Variants in PIH1D1 observed in about 807,000 individuals in gnomAD.
The protein encoded by PIH1D1 is PIH1 domain containing 1, also known as PIH1 domain-containing protein 1.
PIH1D1 carries 28 observed loss-of-function variants against 38.5 expected under a neutral mutation model. The observed-to-expected ratio is 0.73, with a 90% confidence interval of 0.54 to 1.00. The LOEUF is 1.00. PIH1D1 is among the 50% of genes least tolerant of loss of function. The pLI, the probability that PIH1D1 is intolerant of heterozygous loss-of-function variation, is 0.00. For synonymous variants in PIH1D1, 155 were observed against 153.5 expected (o/e 1.01, Z -0.07); for missense variants, 343 against 369.9 (o/e 0.93, Z 0.60).
chr19:49,446,830 C>T (rs1600997896), intron 7 of PIH1D1, 136 bp from the exon 8 acceptor site: 3 of 1,155,476 alleles, frequency 2.6e-6, no homozygotes, highest in Non-Finnish European at 3.7e-6. Flanking sequence ...ACAGCAATTA[C>T]AAGTCTCAAC....
chr19:49,450,137 G>A (rs909015456), intron 2 of PIH1D1, among the ~76,000 whole-genome samples: 2 of 151,958 alleles, frequency 1.3e-5, no homozygotes, highest in African/African-American at 4.8e-5. Context: ...TGTCACCCAG[G>A]TTGGAGTGCA....
chr19:49,447,435 C>T lies in PIH1D1; in HGVS notation c.514G>A (p.Gly172Ser), dbSNP rs1212409865. The T allele has an allele frequency of 6.2e-7, 1 of 1,611,664 alleles. No homozygotes were observed. Among genetic ancestry groups the T allele is most frequent in the African/African-American group, 1.3e-5 (1 of 75,022 alleles). ...CGGATGTTCTGCTGCGAGATGGAGC[C>T]CATGAATGGCCGGTTCTTCATCATG... Reference protein sequence around the residue: ...WRMMKNRPFMGSISQQNIRSE... With the variant: ...WRMMKNRPFMSSISQQNIRSE... The change falls in exon 6 of 9, where the codon GGC (glycine) becomes AGC (serine). Residue 172 changes from glycine to serine, a missense_variant. Physicochemically the swap from Gly to Ser is moderately conservative, Grantham distance 56 (BLOSUM62 0). Transcript: ENST00000262265.
At chr19:49,446,890 TG>T in intron 7 of PIH1D1, 133 bp downstream of exon 7, 1 of 1,069,640 alleles carries the variant, frequency 9.3e-7, no homozygotes, top group Middle Eastern at 2.0e-4. Context: ...CACCAGAAGG[TG>T]GCCTGTGGGC....
At position 49,447,640 on chromosome 19, in the gene PIH1D1, T is replaced by A. The variant is rs1018433899; in HGVS notation, c.482-173A>T. ...CCTTAGTCACGCCCCTCCCATGATATGCCCCAATAAAACCCACCCCTGGAG... is the reference window on the plus strand; with the variant it reads ...CCTTAGTCACGCCCCTCCCATGATAAGCCCCAATAAAACCCACCCCTGGAG... On this transcript the variant is annotated intron_variant, in intron 5 of 8. Transcript: ENST00000262265. 3 of 924,188 alleles carry A rather than the reference T, an allele frequency of 3.2e-6. No homozygotes were observed. In the African/African-American group the frequency reaches 5.0e-5, roughly 15 times the overall value. The allele number at this position is 924,188 out of a possible 1,614,324, so 57.2% of individuals were successfully genotyped here. A position where few individuals can be genotyped will look rare whatever the true frequency, so the allele number is the denominator to read the frequency against.
At chr19:49,451,021 A>ATTTTT in intron 1 of PIH1D1, 173 bp from the exon 2 acceptor site, 1 of 808,782 alleles carries the variant, frequency 1.2e-6, no homozygotes, top group Non-Finnish European at 1.6e-6. Context: ...CCCCATTCCC[A>ATTTTT]TTTCTTTTTT....
Position 49,448,013 on chromosome 19 carries a change from G to C in PIH1D1, c.387C>G (p.Tyr129Ter), listed in dbSNP as rs750753918. The change falls in exon 4 of 9, where the codon TAC becomes TAG. Residue 129 changes from tyrosine (Y) to a stop codon, truncating the protein, a stop_gained. Coordinates refer to ENST00000262265, the MANE Select transcript of PIH1D1 (RefSeq NM_017916.3). LOFTEE classifies it high-confidence loss of function. The part of the protein sequence containing the change: ...AYDVAVNSDF[Y>*]RRMQNSDFLR... ...CCCCGCCCCCAACCTGCATCCTCCG[G>C]TAGAAGTCGCTGTTGACAGCTACGT... 1.6e-5 allele frequency: 26 copies of C among 1,614,222 alleles called. No individual in the cohort carries two copies. The highest frequency in any genetic ancestry group is 2.2e-5 in the Non-Finnish European group (26 of 1,180,026).
At chr19:49,448,199 A>T in intron 3 of PIH1D1, 137 bp from the exon 4 acceptor site, 1 of 834,224 alleles carries the variant, frequency 1.2e-6, no homozygotes, top group Non-Finnish European at 1.9e-6. Flanking sequence ...AGAGCTGGGC[A>T]CTCACTTTCC....
At chr19:49,449,235 C>G (rs761320675) in intron 3 of PIH1D1, 50 of 667,536 alleles carry the variant, frequency 7.5e-5, no homozygotes, top group Non-Finnish European at 1.3e-4. Context: ...AGCACTCTGC[C>G]CAGGCCTCCC....
At chr19:49,449,851 G>A (rs1385094644) in intron 2 of PIH1D1, among the ~76,000 whole-genome samples, 197 bp from the exon 3 acceptor site, 1 of 149,524 alleles carries the variant, frequency 6.7e-6, no homozygotes, top group East Asian at 2.0e-4. Flanking sequence ...CTGGAGTGCA[G>A]TGGCGTGATC....
At chr19:49,446,994 C>A (rs2079027302) in intron 7 of PIH1D1, 30 bp downstream of exon 7, 1 of 1,564,648 alleles carries the variant, frequency 6.4e-7, no homozygotes, top group Non-Finnish European at 8.8e-7. Flanking sequence ...GACCTCATTC[C>A]CCTGCTCTGG....
At chr19:49,450,870 C>A (rs1363928268) in intron 1 of PIH1D1, 22 bp from the exon 2 acceptor site, 2 of 1,613,696 alleles carry the variant, frequency 1.2e-6, no homozygotes, top group East Asian at 4.5e-5. Context: ...AAAACTACCT[C>A]CAGGCTCGGA....
At chr19:49,446,501 G>T in intron 8 of PIH1D1, 50 bp downstream of exon 8, 1 of 1,596,596 alleles carries the variant, frequency 6.3e-7, no homozygotes, top group Non-Finnish European at 8.6e-7. Flanking sequence ...GGGAGACAGA[G>T]TCCAGGCCCC....
At chr19:49,446,955 A>G in intron 7 of PIH1D1, 69 bp downstream of exon 7, 1 of 1,339,730 alleles carries the variant, frequency 7.5e-7, no homozygotes, top group East Asian at 2.3e-5. Context: ...CTTGTCACTC[A>G]CACTCAGAGA....
chr19:49,450,875 C>T, intron 1 of PIH1D1, 27 bp from the exon 2 acceptor site: 1 of 1,613,744 alleles, frequency 6.2e-7, no homozygotes, highest in Non-Finnish European at 8.5e-7. Flanking sequence ...TACCTCCAGG[C>T]TCGGAGTCTG....
At chr19:49,451,021 A>AT in intron 1 of PIH1D1, 173 bp from the exon 2 acceptor site, 8 of 808,694 alleles carry the variant, frequency 9.9e-6, no homozygotes, top group East Asian at 4.2e-5. Flanking sequence ...CCCCATTCCC[A>AT]TTTCTTTTTT....
intron 3 of PIH1D1, chr19:49,448,494 C>A: frequency 4.2e-6 from 1 of 238,232 alleles, no homozygotes; most frequent in Non-Finnish European, 8.4e-6. Flanking sequence ...TCTCTCCCAG[C>A]TCTGGGCCGC....
At chr19:49,451,013 C>G (rs2079055461) in intron 1 of PIH1D1, 165 bp from the exon 2 acceptor site, 1 of 1,287,994 alleles carries the variant, frequency 7.8e-7, no homozygotes. Context: ...AACCCCAACC[C>G]CATTCCCATT....
rs2914659 is a variant in PIH1D1 at position 49,447,364 on chromosome 19, C to A, written c.585G>T (p.Thr195=). Residue 195 remains threonine (T), a synonymous_variant, in exon 6 of 9, where the codon ACG becomes ACT. Transcript: ENST00000262265. ...CTGACTCAGCTCTCCCGGGGGCGGG[C>A]GTGTACAGGTCCCCCAGCTCCTGGA... ...PRIQELGDLY[T]PAPGRAESGP... 427 of 1,613,868 alleles carry A rather than the reference C, an allele frequency of 2.6e-4. No homozygotes were observed. In the African/African-American group the frequency reaches 4.5e-3, roughly 17 times the overall value.
intron 1 of PIH1D1, 127 bp downstream of exon 1, chr19:49,451,358 G>T (rs1302199183): frequency 7.4e-7 from 1 of 1,345,160 alleles, no homozygotes; most frequent in African/African-American, 1.4e-5. Context: ...CAAACTTGAA[G>T]CCCATTAACC....
Sources: allele counts gnomAD v4.1 joint callset (sites outside exome capture counted in the v4.1 genomes callset), GRCh38; gene constraint gnomAD v4.1.1; transcripts MANE v1.5; gene names NCBI Gene and HGNC (gene_info 2026-07-23, HGNC 2026-07-21).